Variants in ZNF227 observed in about 807,000 individuals in gnomAD.
ZNF227 encodes the protein zinc finger protein 227.
Under a neutral mutation model 13.2 loss-of-function variants are expected in ZNF227, and 12 were observed. The observed-to-expected ratio is 0.91, with a 90% confidence interval of 0.58 to 1.47. The LOEUF (loss-of-function observed/expected upper bound fraction) is 1.47. ZNF227 is among the 40% of genes most tolerant of loss of function. ZNF227 has a pLI of 0.00. For missense variants in ZNF227, 885 were observed against 967.5 expected (o/e 0.91, Z 1.13); for synonymous variants, 338 against 326.0 (o/e 1.04, Z -0.40).
At chr19:44,217,474 G>A (rs1472915819) in intron 2 of ZNF227, 1 of 556,774 alleles carries the variant, frequency 1.8e-6, no homozygotes, top group Middle Eastern at 2.8e-4. Flanking sequence ...TACACAGCTG[G>A]TAAGTATCAT....
chr19:44,236,649 G>C lies in ZNF227; in HGVS notation c.2219G>C (p.Arg740Thr). 1 of 1,613,990 alleles carries C rather than the reference G, an allele frequency of 6.2e-7. No homozygotes were observed. Among genetic ancestry groups the C allele is most frequent in the Non-Finnish European group, 8.5e-7 (1 of 1,180,006 alleles). ...NLRVHLGVHT[R>T]EKLFKCEECG... The stretch of plus-strand genomic sequence containing the variant: ...CGAGTCCACCTGGGTGTTCACACCA[G>C]GGAAAAACTCTTTAAATGTGAAGAG... The change falls in exon 6 of 6, where the codon AGG becomes ACG. Residue 740 changes from arginine (R) to threonine (T), a missense_variant. Transcript: ENST00000313040.
At chr19:44,214,140 GTT>G (rs1283346792) in intron 2 of ZNF227, among the ~76,000 whole-genome samples, 1 of 151,830 alleles carries the variant, frequency 6.6e-6, no homozygotes, top group South Asian at 2.1e-4. Flanking sequence ...ACCTATTTTT[GTT>G]TTTGTTTTTT....
chr19:44,213,627 GTTGT>G (rs934237784), intron 2 of ZNF227: 2 of 152,014 alleles, frequency 1.3e-5, no homozygotes, highest in African/African-American at 2.4e-5. Context: ...GGTTTTTGTT[GTTGT>G]TTATTTTCTA....
At chr19:44,231,764 C>T (rs552287782) in intron 5 of ZNF227, among the ~76,000 whole-genome samples, 1 of 152,330 alleles carries the variant, frequency 6.6e-6, no homozygotes, top group South Asian at 2.1e-4. Flanking sequence ...TTTGGGAACA[C>T]TGTCTTCTAG....
rs1973595507 is a variant in ZNF227 at position 44,229,830 on chromosome 19, T to G, written c.271+14T>G. On this transcript the variant is annotated intron_variant, in intron 5 of 5. Transcript: ENST00000313040. ...AAACCCAAAGAAGTAGGTATTCTGG[T>G]GAGAACCCTGTGTCTGTTCTTTCAG... 3 of 1,537,896 alleles carry G rather than the reference T, an allele frequency of 2.0e-6. No individual in the cohort carries two copies. In the Admixed American group the frequency reaches 5.3e-5, roughly 27 times the overall value.
At position 44,215,902 on chromosome 19, in the gene ZNF227, C is replaced by T. The variant is rs1005471025; in HGVS notation, c.-2-1889C>T. On this transcript the variant is annotated intron_variant, in intron 2 of 5. Coordinates refer to ENST00000313040, the MANE Select transcript of ZNF227 (RefSeq NM_182490.3). ...ACTCAGGAGGCTGAGGTGGGAGAATCGCTTGAACCTGGGAGGCAGAGGTTG... is the reference window on the plus strand; with the variant it reads ...ACTCAGGAGGCTGAGGTGGGAGAATTGCTTGAACCTGGGAGGCAGAGGTTG... Among the ~76,000 whole-genome samples, 16 of 147,942 alleles carry T rather than the reference C, an allele frequency of 1.1e-4. No homozygotes were observed. In the South Asian group the frequency reaches 1.9e-3, roughly 18 times the overall value.
upstream of ZNF227, among the ~76,000 whole-genome samples, chr19:44,211,078 A>G (rs559859122): frequency 2.2e-4 from 33 of 152,186 alleles, no homozygotes; most frequent in African/African-American, 7.9e-4. Flanking sequence ...GGGTGCCTAT[A>G]ACCCCAGCGA....
At chr19:44,229,644 A>G (rs918765165) in intron 4 of ZNF227, 89 bp from the exon 5 acceptor site, 20 of 660,516 alleles carry the variant, frequency 3.0e-5, no homozygotes, top group Non-Finnish European at 4.5e-5. Flanking sequence ...AAATATCACT[A>G]TAGAGGTTGT....
At chr19:44,216,017 C>A (rs1463371284) in intron 2 of ZNF227, among the ~76,000 whole-genome samples, 5 of 94,638 alleles carry the variant, frequency 5.3e-5, no homozygotes, top group African/African-American at 1.4e-4. Flanking sequence ...AAAAGATGTA[C>A]CTTTAAAAAA....
intron 3 of ZNF227, among the ~76,000 whole-genome samples, chr19:44,221,555 G>A (rs1201405560): frequency 6.6e-6 from 1 of 152,194 alleles, no homozygotes; most frequent in African/African-American, 2.4e-5. Flanking sequence ...CTGCATAAAT[G>A]TTTTCTTTTG....
At chr19:44,233,706 G>A (rs1599845211) in intron 5 of ZNF227, among the ~76,000 whole-genome samples, 1 of 152,078 alleles carries the variant, frequency 6.6e-6, no homozygotes, top group Non-Finnish European at 1.5e-5. Context: ...GACCAGCCTG[G>A]CCAACATGGC....
rs1483722992 is a variant in ZNF227 at position 44,213,170 on chromosome 19, C to G, written c.-77C>G. On this transcript the variant is annotated 5_prime_UTR_variant, in exon 2 of 6. In the 5' UTR this introduces an upstream ATG that the reference lacks. Coordinates refer to ENST00000313040, the MANE Select transcript of ZNF227 (RefSeq NM_182490.3). The stretch of plus-strand genomic sequence containing the variant: ...AGAGACTCCATCGTGCTGACAGCAT[C>G]CTTTTATTCACCGCCTCCGAATTTG... 1 of 152,062 alleles carries G rather than the reference C, an allele frequency of 6.6e-6. No individual in the cohort carries two copies. The highest frequency in any genetic ancestry group is 1.9e-4 in the East Asian group (1 of 5,190). 9.4% of individuals were successfully genotyped at this position (152,062 alleles called of 1,614,324 possible).
intron 5 of ZNF227, among the ~76,000 whole-genome samples, chr19:44,230,099 T>C (rs1329044720): frequency 6.6e-6 from 1 of 152,106 alleles, no homozygotes; most frequent in Non-Finnish European, 1.5e-5. Context: ...CACTGCAGCC[T>C]CAACCTCCTG....
At chr19:44,215,307 G>A (rs1029401337) in intron 2 of ZNF227, among the ~76,000 whole-genome samples, 6 of 147,518 alleles carry the variant, frequency 4.1e-5, no homozygotes, top group African/African-American at 1.5e-4. Context: ...GCTGAGGTCA[G>A]TTTTTTTTTT....
At chr19:44,221,240 A>G (rs1342874282) in intron 3 of ZNF227, among the ~76,000 whole-genome samples, 2 of 152,200 alleles carry the variant, frequency 1.3e-5, no homozygotes, top group African/African-American at 4.8e-5. Flanking sequence ...ATGTGTCTTC[A>G]TAGCAGCATG....
rs538476024 is a variant in ZNF227 at position 44,219,702 on chromosome 19, G to A, written c.60+1850G>A. On this transcript the variant is annotated intron_variant, in intron 3 of 5. Transcript: ENST00000313040. Reference sequence around the variant, plus strand: ...TGAAGAGTGAACTGGGAAAATCTTTGGAGAGGAAAATCTGCCATTACGCTT... The same window carrying A: ...TGAAGAGTGAACTGGGAAAATCTTTAGAGAGGAAAATCTGCCATTACGCTT... 1.8e-3 allele frequency among the ~76,000 whole-genome samples: 266 copies of A among 151,710 alleles called. 1 individual carries two copies. The highest frequency in any genetic ancestry group is 6.1e-3 in the African/African-American group (252 of 41,414).
chr19:44,233,404 T>C (rs991546275), intron 5 of ZNF227, among the ~76,000 whole-genome samples: 13 of 152,186 alleles, frequency 8.5e-5, no homozygotes, highest in African/African-American at 2.9e-4. Context: ...CTTGGTTTCA[T>C]GGTGCACTAA....
At chr19:44,230,267 G>A (rs1372436535) in intron 5 of ZNF227, among the ~76,000 whole-genome samples, 3 of 152,010 alleles carry the variant, frequency 2.0e-5, no homozygotes, top group Admixed American at 6.5e-5. Flanking sequence ...TTCCCACCTC[G>A]GCCTCCCAAA....
intron 3 of ZNF227, among the ~76,000 whole-genome samples, chr19:44,221,314 C>T (rs539552888): frequency 1.8e-3 from 269 of 152,234 alleles, no homozygotes; most frequent in Non-Finnish European, 3.0e-3. Context: ...ATTTCTAGTT[C>T]TAGATCCCTG....
Sources: gnomAD v4.1 joint callset for allele counts (sites outside exome capture counted in the v4.1 genomes callset) on GRCh38, gnomAD v4.1.1 for gene constraint, MANE v1.5 for transcripts, NCBI Gene and HGNC (gene_info 2026-07-23, HGNC 2026-07-21) for gene names.